PIP4K2A: variants seen among roughly 807,000 people sequenced by gnomAD.
The protein encoded by PIP4K2A is phosphatidylinositol 5-phosphate 4-kinase type-2 alpha.
Under a neutral mutation model 42.9 loss-of-function variants are expected in PIP4K2A, and 14 were observed. The observed-to-expected ratio is 0.33, with a 90% CI of 0.22 to 0.51. The LOEUF (loss-of-function observed/expected upper bound fraction) is 0.51, where lower values mean the gene tolerates loss of function less well. Ranked by LOEUF, PIP4K2A falls within the 20% of genes least tolerant of loss-of-function variation. PIP4K2A has a pLI of 0.97. For synonymous variants in PIP4K2A, 192 were observed against 192.2 expected, an observed-to-expected ratio of 1.00 and a Z score of 0.01; for missense variants, 434 against 519.8, an observed-to-expected ratio of 0.83 and a Z score of 1.61.
intron 7 of PIP4K2A, among the ~76,000 whole-genome samples, chr10:22,547,668 C>A (rs537920417): frequency 6.6e-6 from 1 of 152,276 alleles, no homozygotes; most frequent in Non-Finnish European, 1.5e-5. Flanking sequence ...CTGGATGCCA[C>A]AGAGGGAGAA....
At chr10:22,593,753 A>G (rs1043710090) in intron 3 of PIP4K2A, among the ~76,000 whole-genome samples, 1 of 152,248 alleles carries the variant, frequency 6.6e-6, no homozygotes, top group Non-Finnish European at 1.5e-5. Flanking sequence ...CTTTGGGCAT[A>G]AAATCAAAGT....
intron 1 of PIP4K2A, among the ~76,000 whole-genome samples, chr10:22,647,625 T>C (rs890680579): frequency 3.9e-5 from 6 of 152,216 alleles, no homozygotes; most frequent in South Asian, 4.1e-4. Context: ...ACTGGTGTGA[T>C]AGATGACATG....
At chr10:22,692,862 G>T (rs1452056276) in intron 1 of PIP4K2A, among the ~76,000 whole-genome samples, 1 of 152,120 alleles carries the variant, frequency 6.6e-6, no homozygotes, top group Non-Finnish European at 1.5e-5. Flanking sequence ...ACTCAATAGT[G>T]ATCTCAATTT....
intron 4 of PIP4K2A, among the ~76,000 whole-genome samples, chr10:22,584,344 G>GT: frequency 6.6e-6 from 1 of 151,934 alleles, no homozygotes; most frequent in Admixed American, 6.5e-5. Flanking sequence ...GATTAGAACA[G>GT]TTGAAGAGAC....
intron 3 of PIP4K2A, among the ~76,000 whole-genome samples, chr10:22,596,778 C>A (rs922419169): frequency 3.3e-5 from 5 of 152,118 alleles, no homozygotes; most frequent in Non-Finnish European, 7.3e-5. Flanking sequence ...GAAAACAGAC[C>A]CAGAGAGCAG....
At chr10:22,650,373 AG>A (rs2130810107) in intron 1 of PIP4K2A, among the ~76,000 whole-genome samples, 1 of 152,276 alleles carries the variant, frequency 6.6e-6, no homozygotes, top group East Asian at 1.9e-4. Flanking sequence ...CTCCAGCCTC[AG>A]CCTCCGGAGT....
chr10:22,538,756 G>C (rs1161500381), intron 9 of PIP4K2A, among the ~76,000 whole-genome samples: 1 of 151,958 alleles, frequency 6.6e-6, no homozygotes, highest in African/African-American at 2.4e-5. Context: ...AAAAATTTCT[G>C]TTGGGGGGAA....
chr10:22,683,987 A>AC (rs2130885456), intron 1 of PIP4K2A, among the ~76,000 whole-genome samples: 1 of 152,078 alleles, frequency 6.6e-6, no homozygotes, highest in South Asian at 2.1e-4. Flanking sequence ...TCGGCCAAAT[A>AC]CCCATTAGAA....
chr10:22,585,191 T>C (rs1233968344), intron 4 of PIP4K2A, among the ~76,000 whole-genome samples: 1 of 152,214 alleles, frequency 6.6e-6, no homozygotes, highest in East Asian at 1.9e-4. Context: ...ATCCTTTGAA[T>C]AGTAACACCA....
At chr10:22,670,239 C>T (rs1247593016) in intron 1 of PIP4K2A, among the ~76,000 whole-genome samples, 2 of 152,116 alleles carry the variant, frequency 1.3e-5, no homozygotes, top group Non-Finnish European at 2.9e-5. Flanking sequence ...ATTAGTCAGG[C>T]ATGGTGGTGC....
chr10:22,596,205 C>CAAAAAAAAAAAAAAAACAAAA (rs1837631149), intron 3 of PIP4K2A, among the ~76,000 whole-genome samples: 1 of 69,708 alleles, frequency 1.4e-5, no homozygotes, highest in African/African-American at 6.3e-5. Context: ...AACTCCGTCT[C>CAAAAAAAAAAAAAAAACAAAA]AAAAAAAAAA....
intron 7 of PIP4K2A, among the ~76,000 whole-genome samples, chr10:22,546,485 C>T (rs1836261026): frequency 1.3e-5 from 2 of 152,150 alleles, no homozygotes; most frequent in South Asian, 2.1e-4. Context: ...GATCATGGCT[C>T]ACTGAAGCCT....
At chr10:22,636,747 G>A (rs1046756731) in intron 1 of PIP4K2A, among the ~76,000 whole-genome samples, 5 of 152,230 alleles carry the variant, frequency 3.3e-5, no homozygotes, top group African/African-American at 9.6e-5. Context: ...GGTCCCCGAT[G>A]AATCACACTC....
At chr10:22,569,024 G>T in intron 5 of PIP4K2A, 2 of 1,535,142 alleles carry the variant, frequency 1.3e-6, no homozygotes, top group Middle Eastern at 1.7e-4. Context: ...GTTGGCTTGG[G>T]AAAAGTGAAA....
intron 5 of PIP4K2A, among the ~76,000 whole-genome samples, chr10:22,570,806 T>C (rs1836966015): frequency 6.6e-6 from 1 of 151,560 alleles, no homozygotes; most frequent in South Asian, 2.1e-4. Context: ...AGTCAAACAG[T>C]GGCAACAGTG....
At chr10:22,647,308 C>CTGTGTGTGTGTGTGTATGTG (rs534210863) in intron 1 of PIP4K2A, among the ~76,000 whole-genome samples, 1 of 140,230 alleles carries the variant, frequency 7.1e-6, no homozygotes, top group African/African-American at 2.6e-5. Flanking sequence ...TCTCTAAATA[C>CTGTGTGTGTGTGTGTATGTG]TGTGTGTGTG....
At chr10:22,538,745 C>A (rs1419915122) in intron 9 of PIP4K2A, among the ~76,000 whole-genome samples, 1 of 152,016 alleles carries the variant, frequency 6.6e-6, no homozygotes, top group African/African-American at 2.4e-5. Context: ...AAAGAGTACT[C>A]AAAAATTTCT....
chr10:22,612,982 G>T (rs1383830012), intron 1 of PIP4K2A, among the ~76,000 whole-genome samples: 1 of 152,176 alleles, frequency 6.6e-6, no homozygotes, highest in African/African-American at 2.4e-5. Context: ...AGGCGGAGAA[G>T]CAGTCTTCAA....
chr10:22,573,730 G>T (rs1217431373), intron 4 of PIP4K2A, among the ~76,000 whole-genome samples: 1 of 152,212 alleles, frequency 6.6e-6, no homozygotes, highest in African/African-American at 2.4e-5. Context: ...ATATGATCGT[G>T]TAAGGCAAGA....
Sources: allele counts gnomAD v4.1 joint callset (sites outside exome capture counted in the v4.1 genomes callset), GRCh38; gene constraint gnomAD v4.1.1; transcripts MANE v1.5; gene names NCBI Gene and HGNC (gene_info 2026-07-23, HGNC 2026-07-21).